Variants in USP47 observed in about 807,000 individuals in gnomAD.
USP47 encodes the protein ubiquitin specific peptidase 47.
A neutral mutation model predicts 165.1 loss-of-function variants in USP47; 35 were observed. That is an observed-to-expected ratio of 0.21 (90% CI 0.16 to 0.28). USP47 has a LOEUF of 0.28. Among genes scored for constraint, USP47 ranks in the 10% least tolerant of loss-of-function variants. The probability of loss-of-function intolerance (pLI) is 1.00; values close to 1 mark genes in which losing one functional copy is unlikely to be tolerated. For missense variants in USP47, 1,277 were observed against 1,607.4 expected (o/e 0.79, Z 3.52); for synonymous variants, 531 against 544.5 (o/e 0.98, Z 0.35).
At chr11:11,918,843 A>G (rs1354025302) in intron 8 of USP47, among the ~76,000 whole-genome samples, 1 of 151,928 alleles carries the variant, frequency 6.6e-6, no homozygotes, top group South Asian at 2.1e-4. Flanking sequence ...AATTACCACT[A>G]TTTGGAAAGC....
intron 4 of USP47, among the ~76,000 whole-genome samples, chr11:11,894,434 CAGA>C (rs1222774022): frequency 2.0e-5 from 3 of 152,120 alleles, no homozygotes; most frequent in Non-Finnish European, 4.4e-5. Flanking sequence ...GCCTGGGCAA[CAGA>C]AGGAGACTCC....
intron 7 of USP47, among the ~76,000 whole-genome samples, chr11:11,904,972 C>A (rs1293209117): frequency 2.0e-5 from 3 of 152,116 alleles, no homozygotes; most frequent in African/African-American, 7.2e-5. Flanking sequence ...TATAAAAACT[C>A]AACCAATTGT....
intron 20 of USP47, 82 bp downstream of exon 20, chr11:11,943,194 G>A: frequency 7.0e-7 from 1 of 1,435,912 alleles, no homozygotes; most frequent in Non-Finnish European, 9.4e-7. Flanking sequence ...TTAAGTGTTA[G>A]GTACTTAGTT....
chr11:11,896,177 G>A (rs115343687), intron 4 of USP47, among the ~76,000 whole-genome samples: 2,330 of 152,254 alleles, frequency 0.015, 55 homozygotes, highest in African/African-American at 0.053. Context: ...ATACCTGATG[G>A]TAAAATAAAG....
In USP47 at chr11:11,869,703, T is replaced by C. The variant is rs573310902; in HGVS notation, c.40-10474T>C. On this transcript the variant is annotated intron_variant, in intron 1 of 27. Coordinates refer to ENST00000527733, the MANE Select transcript of USP47 (RefSeq NM_001282659.2). ...TTTGAATGCTTGCCGTCTTCAAAATTCATGTGGAAATTTAGTTTCTATTAT... is the reference window on the plus strand; with the variant it reads ...TTTGAATGCTTGCCGTCTTCAAAATCCATGTGGAAATTTAGTTTCTATTAT... Among the ~76,000 whole-genome samples the C allele has an allele frequency of 3.7e-4, 57 of 152,312 alleles. No homozygotes were observed. The South Asian group carries it at 0.012, about 32-fold the overall frequency.
intron 8 of USP47, among the ~76,000 whole-genome samples, chr11:11,910,275 C>T (rs1199768192): frequency 6.6e-6 from 1 of 152,104 alleles, no homozygotes; most frequent in Non-Finnish European, 1.5e-5. Context: ...TGGTGAGTTC[C>T]ATGGGTTTTC....
chr11:11,906,339 T>A lies in USP47; in HGVS notation c.969+791T>A, dbSNP rs564742023. ...ATAAGATATCTTTAAACAATAGAAT[T>A]TCATTATGTTTTATGTTTTGGTCTT... On this transcript the variant is annotated intron_variant, in intron 8 of 27. Coordinates refer to ENST00000527733, the MANE Select transcript of USP47 (RefSeq NM_001282659.2). Among the ~76,000 whole-genome samples, 143 of 152,280 alleles carry A rather than the reference T, an allele frequency of 9.4e-4. 2 individuals are homozygous for A. In the South Asian group the frequency reaches 0.014, roughly 15 times the overall value.
intron 23 of USP47, among the ~76,000 whole-genome samples, 157 bp downstream of exon 23, chr11:11,950,161 T>C (rs1856122993): frequency 6.6e-6 from 1 of 152,220 alleles, no homozygotes; most frequent in African/African-American, 2.4e-5. Flanking sequence ...AACAAGAGTA[T>C]TAAAATTTTG....
At chr11:11,872,442 G>A (rs1850127155) in intron 1 of USP47, among the ~76,000 whole-genome samples, 1 of 152,214 alleles carries the variant, frequency 6.6e-6, no homozygotes, top group Middle Eastern at 3.2e-3. Flanking sequence ...CTGGAGGCAA[G>A]TTAGACTCCT....
chr11:11,916,168 G>T (rs1853402672), intron 8 of USP47, among the ~76,000 whole-genome samples: 1 of 152,142 alleles, frequency 6.6e-6, no homozygotes, highest in Non-Finnish European at 1.5e-5. Flanking sequence ...GGATGTGCAG[G>T]CTGGGCATGG....
chr11:11,848,889 G>A (rs139673371), intron 1 of USP47, among the ~76,000 whole-genome samples: 4,035 of 152,184 alleles, frequency 0.027, 181 homozygotes, highest in African/African-American at 0.09. Context: ...GATTACAGGC[G>A]TGAGCCACCA....
intron 1 of USP47, among the ~76,000 whole-genome samples, chr11:11,863,437 A>G (rs1053924357): frequency 6.6e-6 from 1 of 152,242 alleles, no homozygotes; most frequent in Admixed American, 6.5e-5. Flanking sequence ...TCAGATTTTT[A>G]AAAAATATGA....
In USP47 at chr11:11,942,842, A is replaced by G; in HGVS notation, c.2821A>G (p.Ile941Val). 6.2e-7 allele frequency: 1 copy of G among 1,613,792 alleles called. No individual in the cohort carries two copies. Among genetic ancestry groups the G allele is most frequent in the Non-Finnish European group, 8.5e-7 (1 of 1,179,798 alleles). ...GAGTACAAGTTCAGTGGACAGTGATATTCTTAGCTCCAGTCATAGCAGTGA... is the reference window on the plus strand; with the variant it reads ...GAGTACAAGTTCAGTGGACAGTGATGTTCTTAGCTCCAGTCATAGCAGTGA... ...DRSTSSVDSD[I>V]LSSSHSSDTL... Residue 941 changes from isoleucine (I) to valine (V), a missense_variant, in exon 20 of 28, where the codon ATT becomes GTT. Around this residue, in one of 4 missense-constraint regions of USP47, gnomAD observed 909 missense variants for 1,068.1 expected, o/e 0.85. Coordinates refer to ENST00000527733, the MANE Select transcript of USP47 (RefSeq NM_001282659.2).
chr11:11,890,515 T>C (rs1851443738), intron 3 of USP47, among the ~76,000 whole-genome samples: 1 of 152,178 alleles, frequency 6.6e-6, no homozygotes, highest in Non-Finnish European at 1.5e-5. Context: ...CCTGTCAGAA[T>C]GGCAGTTATT....
chr11:11,875,004 T>C (rs977465305), intron 1 of USP47, among the ~76,000 whole-genome samples: 7 of 151,712 alleles, frequency 4.6e-5, no homozygotes, highest in Non-Finnish European at 8.8e-5. Context: ...TGGCAGCTCC[T>C]GTACCAAAAG....
intron 13 of USP47, among the ~76,000 whole-genome samples, chr11:11,930,331 C>G (rs1167685930): frequency 2.0e-5 from 3 of 152,098 alleles, no homozygotes; most frequent in Admixed American, 6.5e-5. Context: ...ACTATAATAA[C>G]ATAGTTGAGT....
chr11:11,847,148 T>C (rs1019890804), intron 1 of USP47, among the ~76,000 whole-genome samples: 2 of 152,098 alleles, frequency 1.3e-5, no homozygotes. Context: ...ATATTAAGAG[T>C]TGCTATTTCT....
intron 2 of USP47, among the ~76,000 whole-genome samples, chr11:11,882,992 A>T (rs1004320975): frequency 2.6e-5 from 4 of 152,174 alleles, no homozygotes; most frequent in African/African-American, 9.7e-5. Context: ...CATTTCTACA[A>T]ATATGACTAC....
chr11:11,936,825 T>G (rs887592966), intron 17 of USP47, among the ~76,000 whole-genome samples: 3 of 151,886 alleles, frequency 2.0e-5, no homozygotes, highest in African/African-American at 7.2e-5. Context: ...AAGTTATCAA[T>G]TGCTCTCTTA....
Sources: gnomAD v4.1 joint callset for allele counts (sites outside exome capture counted in the v4.1 genomes callset) on GRCh38, gnomAD v4.1.1 for gene constraint, gnomAD v4.1.1 regional missense constraint, MANE v1.5 for transcripts, NCBI Gene and HGNC (gene_info 2026-07-23, HGNC 2026-07-21) for gene names.